Variants in CLIC5 observed in about 807,000 individuals in gnomAD.
CLIC5 encodes the protein chloride intracellular channel protein 5.
Under a neutral mutation model 24.7 loss-of-function variants are expected in CLIC5, and 20 were observed. That is an observed-to-expected ratio of 0.81 (90% CI 0.57 to 1.18). The LOEUF (loss-of-function observed/expected upper bound fraction) is 1.18. CLIC5 is among the 50% of genes most tolerant of loss of function. CLIC5 has a pLI of 0.00. For synonymous variants in CLIC5, 159 were observed against 135.6 expected (o/e 1.17, Z -1.20); for missense variants, 341 against 326.1 (o/e 1.05, Z -0.35).
intron 1 of CLIC5, among the ~76,000 whole-genome samples, chr6:45,960,813 G>A (rs1764821064): frequency 6.6e-6 from 1 of 152,138 alleles, no homozygotes. Flanking sequence ...CTGGGGAGTG[G>A]GCTATTGCTT....
intron 1 of CLIC5, among the ~76,000 whole-genome samples, chr6:46,037,631 C>T (rs1379858433): frequency 1.3e-5 from 2 of 152,170 alleles, no homozygotes; most frequent in South Asian, 2.1e-4. Context: ...ATGTGTTGGG[C>T]ACCCTATTTT....
At chr6:46,045,005 A>G (rs1767916302) in intron 1 of CLIC5, among the ~76,000 whole-genome samples, 1 of 152,126 alleles carries the variant, frequency 6.6e-6, no homozygotes, top group Non-Finnish European at 1.5e-5. Flanking sequence ...CATGCTTGCC[A>G]TAAATAAATC....
chr6:46,023,599 A>T (rs570318488), intron 1 of CLIC5, among the ~76,000 whole-genome samples: 2 of 152,290 alleles, frequency 1.3e-5, no homozygotes, highest in South Asian at 4.1e-4. Context: ...CCAGAGATGA[A>T]ATGAAAAAGG....
At chr6:45,912,878 T>G (rs910664690) in intron 5 of CLIC5, 3 of 653,386 alleles carry the variant, frequency 4.6e-6, no homozygotes, top group Non-Finnish European at 8.3e-6. Flanking sequence ...ATAGGTTGTA[T>G]TTGCCCACTC....
chr6:45,964,133 A>C (rs1764941549), intron 1 of CLIC5, among the ~76,000 whole-genome samples: 1 of 152,192 alleles, frequency 6.6e-6, no homozygotes, highest in Non-Finnish European at 1.5e-5. Flanking sequence ...TCTGCCTCCA[A>C]GTTTGGCTGT....
At chr6:46,071,633 TTAG>T (rs796107799) in intron 1 of CLIC5, among the ~76,000 whole-genome samples, 2 of 152,286 alleles carry the variant, frequency 1.3e-5, no homozygotes, top group Admixed American at 6.5e-5. Flanking sequence ...ACACTGTTGA[TTAG>T]AGTGTAAGTT....
chr6:46,097,768 A>G, the CLIC5 span, among the ~76,000 whole-genome samples: 1 of 152,242 alleles, frequency 6.6e-6, no homozygotes, highest in Non-Finnish European at 1.5e-5. Flanking sequence ...ACATATCTAC[A>G]ATTCTCTATA....
chr6:45,927,280 A>G (rs1248627879), intron 4 of CLIC5, among the ~76,000 whole-genome samples: 1 of 152,142 alleles, frequency 6.6e-6, no homozygotes, highest in Admixed American at 6.5e-5. Context: ...CCTCACAGAG[A>G]CAGCTGCTCA....
At chr6:45,895,276 G>C (rs1762383750), downstream of CLIC5, among the ~76,000 whole-genome samples, 1 of 152,046 alleles carries the variant, frequency 6.6e-6, no homozygotes, top group Non-Finnish European at 1.5e-5. Flanking sequence ...CTTCTAACCT[G>C]TTTCTAAATA....
chr6:46,006,184 G>A (rs1438355840), intron 1 of CLIC5, among the ~76,000 whole-genome samples: 15 of 128,752 alleles, frequency 1.2e-4, no homozygotes, highest in Admixed American at 9.4e-4. Context: ...TTGCCCTATC[G>A]CCCAGCCTGG....
chr6:45,949,391 G>C lies in CLIC5; in HGVS notation c.174-10C>G. The C allele has an allele frequency of 6.2e-7, 1 of 1,611,080 alleles. No individual in the cohort carries two copies. Among genetic ancestry groups the C allele is most frequent in the Non-Finnish European group, 8.5e-7 (1 of 1,178,734 alleles). On this transcript the variant is annotated splice_polypyrimidine_tract_variant and intron_variant, in intron 2 of 5. Transcript: ENST00000339561. ...CAGGTCAGCTGGCTTTCTGTAGAGA[G>C]AGCAAGATTCAGGTGTTGGCTTACA...
intron 1 of CLIC5, among the ~76,000 whole-genome samples, chr6:45,980,829 T>A (rs1351416184): frequency 6.6e-6 from 1 of 152,160 alleles, no homozygotes; most frequent in Admixed American, 6.5e-5. Context: ...CTCCAAGAAA[T>A]TGTCTTCTTC....
At chr6:46,083,608 G>A (rs892980000), upstream of CLIC5, among the ~76,000 whole-genome samples, 14 of 152,112 alleles carry the variant, frequency 9.2e-5, no homozygotes, top group African/African-American at 2.7e-4. Flanking sequence ...TTAATCCTGA[G>A]TTCTATTTTG....
chr6:46,080,849 C>A (rs80212840), upstream of CLIC5, among the ~76,000 whole-genome samples: 318 of 152,250 alleles, frequency 2.1e-3, 3 homozygotes, highest in African/African-American at 7.1e-3. Flanking sequence ...GATTAAACAG[C>A]AGAAGGAAAA....
intron 1 of CLIC5, among the ~76,000 whole-genome samples, chr6:46,065,904 G>A (rs1174955540): frequency 3.9e-5 from 6 of 152,112 alleles, no homozygotes; most frequent in East Asian, 1.9e-4. Context: ...GACTTTTAAT[G>A]TATGTAAATT....
At position 45,914,348 on chromosome 6, in the gene CLIC5, T is replaced by C; in HGVS notation, c.468A>G (p.Leu156=). The change falls in exon 5 of 6, where the codon CTA becomes CTG. Residue 156 remains leucine, a synonymous_variant. Transcript: ENST00000339561. The part of the protein sequence containing the change: ...KKLDDYLNTP[L]PEEIDANTCG... ...AAGTGTTGGCGTCAATCTCCTCTGGTAGAGGGGTGTTCAGGTAGTCATCCA... is the reference window on the plus strand; with the variant it reads ...AAGTGTTGGCGTCAATCTCCTCTGGCAGAGGGGTGTTCAGGTAGTCATCCA... 1.2e-6 allele frequency: 2 copies of C among 1,607,892 alleles called. No homozygotes were observed. Among genetic ancestry groups the C allele is most frequent in the African/African-American group, 1.3e-5 (1 of 74,964 alleles).
chr6:45,975,962 GA>G (rs995581504), intron 1 of CLIC5, among the ~76,000 whole-genome samples: 2 of 151,934 alleles, frequency 1.3e-5, no homozygotes, highest in East Asian at 1.9e-4. Flanking sequence ...ATCAGTGATG[GA>G]AAAAAAACCA....
chr6:45,933,247 G>A (rs1763811502), intron 4 of CLIC5, among the ~76,000 whole-genome samples: 1 of 152,202 alleles, frequency 6.6e-6, no homozygotes, highest in South Asian at 2.1e-4. Context: ...CCAGGAGGTG[G>A]TGGGAACTAG....
At chr6:46,110,475 C>A in the CLIC5 span, among the ~76,000 whole-genome samples, 1 of 152,136 alleles carries the variant, frequency 6.6e-6, no homozygotes, top group African/African-American at 2.4e-5. Flanking sequence ...AATCTGTTTT[C>A]TTTTGTAACA....
Sources: gnomAD v4.1 joint callset for allele counts (sites outside exome capture counted in the v4.1 genomes callset) on GRCh38, gnomAD v4.1.1 for gene constraint, MANE v1.5 for transcripts, NCBI Gene and HGNC (gene_info 2026-07-23, HGNC 2026-07-21) for gene names.